The following KLHDC2 variants were observed in gnomAD, a reference collection of about 807,000 sequenced individuals.
KLHDC2 encodes the protein kelch domain-containing protein 2.
A neutral mutation model predicts 62.3 loss-of-function variants in KLHDC2; 38 were observed. The ratio of observed to expected loss-of-function variants is 0.61; its 90% CI spans 0.47 to 0.80. KLHDC2 has a LOEUF of 0.80. KLHDC2 is among the 30% of genes least tolerant of loss of function. The probability of loss-of-function intolerance (pLI) is 0.00; values close to 1 mark genes in which losing one functional copy is unlikely to be tolerated. For missense variants in KLHDC2, 430 were observed against 495.3 expected (o/e 0.87, Z 1.25); for synonymous variants, 159 against 161.0 (o/e 0.99, Z 0.09).
chr14:49,780,596 T>C, intron 9 of KLHDC2, 107 bp from the exon 10 acceptor site: 1 of 813,038 alleles, frequency 1.2e-6, no homozygotes, highest in Non-Finnish European at 2.1e-6. Flanking sequence ...GAAAATATAC[T>C]CTCTGTATCT....
intron 10 of KLHDC2, among the ~76,000 whole-genome samples, chr14:49,781,098 C>T (rs1167434029): frequency 2.6e-5 from 4 of 152,174 alleles, no homozygotes; most frequent in Non-Finnish European, 4.4e-5. Flanking sequence ...GTCGGCCAGG[C>T]GTGGTGGCTC....
chr14:49,784,414 A>ATTTAACTGTCCACAAATACTT lies in KLHDC2; in HGVS notation c.*1464_*1484dup. ...TAACTACAGATGTATATTAATTAGCATTTAACTGTCCACAAATACTTTTGG... is the reference window on the plus strand; with the variant it reads ...TAACTACAGATGTATATTAATTAGCATTTAACTGTCCACAAATACTTTTTAACTGTCCACAAATACTTTTGG... On this transcript the variant is annotated 3_prime_UTR_variant, in exon 13 of 13. Coordinates refer to ENST00000298307, the MANE Select transcript of KLHDC2 (RefSeq NM_014315.3). 1 of 448,774 alleles carries ATTTAACTGTCCACAAATACTT rather than the reference A, an allele frequency of 2.2e-6. No homozygotes were observed. The highest frequency in any genetic ancestry group is 3.5e-5 in the East Asian group (1 of 28,340). The allele number at this position is 448,774 out of a possible 1,614,324, so 27.8% of individuals were successfully genotyped here.
At chr14:49,778,726 CTT>C (rs1247617795) in intron 6 of KLHDC2, among the ~76,000 whole-genome samples, 14 of 143,888 alleles carry the variant, frequency 9.7e-5, no homozygotes, top group Admixed American at 1.4e-4. Context: ...TAATCTAATA[CTT>C]TTTTTTTTTT....
Position 49,778,974 on chromosome 14 carries a change from C to T in KLHDC2, c.633+480C>T, listed in dbSNP as rs35466302. ...TCCTGATCTTGTGATTTGCCCACCTCGGCCTCCCAAAGTGTTGGGATTACA... is the reference window on the plus strand; with the variant it reads ...TCCTGATCTTGTGATTTGCCCACCTTGGCCTCCCAAAGTGTTGGGATTACA... On this transcript the variant is annotated intron_variant, in intron 6 of 12. Coordinates refer to ENST00000298307, the MANE Select transcript of KLHDC2 (RefSeq NM_014315.3). 4.9e-3 allele frequency among the ~76,000 whole-genome samples: 742 copies of T among 152,292 alleles called. 2 individuals carry two copies. Among genetic ancestry groups the T allele is most frequent in the Non-Finnish European group, 8.4e-3 (571 of 68,030 alleles).
chr14:49,780,122 C>A, intron 8 of KLHDC2, 91 bp from the exon 9 acceptor site: 1 of 818,196 alleles, frequency 1.2e-6, no homozygotes, highest in Non-Finnish European at 2.0e-6. Flanking sequence ...TCTCTTTTTT[C>A]ATAACATGTA....
chr14:49,768,353 C>A lies in KLHDC2; in HGVS notation c.-116C>A. ...CGGCAGAGAGGCCTCAACGCCGTCCCTTTCGCCACCGCCTTTTCCTTGCCT... is the reference window on the plus strand; with the variant it reads ...CGGCAGAGAGGCCTCAACGCCGTCCATTTCGCCACCGCCTTTTCCTTGCCT... On this transcript the variant is annotated 5_prime_UTR_variant, in exon 1 of 13. Coordinates refer to ENST00000298307, the MANE Select transcript of KLHDC2 (RefSeq NM_014315.3). The A allele has an allele frequency of 8.1e-7, 1 of 1,234,188 alleles. No homozygotes were observed. Among genetic ancestry groups the A allele is most frequent in the Non-Finnish European group, 1.1e-6 (1 of 896,990 alleles). The allele number at this position is 1,234,188 out of a possible 1,614,324, so 76.5% of individuals were successfully genotyped here.
At chr14:49,779,039 C>T (rs542878701) in intron 6 of KLHDC2, among the ~76,000 whole-genome samples, 207 of 152,204 alleles carry the variant, frequency 1.4e-3, no homozygotes, top group African/African-American at 4.4e-3. Flanking sequence ...ATACACTTTA[C>T]GTGGTAGAAG....
chr14:49,779,851 T>C, intron 8 of KLHDC2, 45 bp downstream of exon 8: 1 of 1,338,370 alleles, frequency 7.5e-7, no homozygotes, highest in East Asian at 2.3e-5. Context: ...CAGATTGTTT[T>C]TACCCTATAT....
chr14:49,772,983 A>G (rs1889694477), intron 2 of KLHDC2, among the ~76,000 whole-genome samples: 1 of 152,170 alleles, frequency 6.6e-6, no homozygotes, highest in Non-Finnish European at 1.5e-5. Context: ...AACAGTTACA[A>G]ACTAAAAATA....
In KLHDC2 at chr14:49,778,043, C is replaced by T. The variant is rs901228523; in HGVS notation, c.467+89C>T. 6 of 940,134 alleles carry T rather than the reference C, an allele frequency of 6.4e-6. No homozygotes were observed. The African/African-American group carries it at 8.2e-5, about 13-fold the overall frequency. 58.2% of individuals were successfully genotyped at this position (940,134 alleles called of 1,614,324 possible). A position where few individuals can be genotyped will look rare whatever the true frequency, so the allele number is the denominator to read the frequency against. Reference sequence around the variant, plus strand: ...TTAGCCAGTAAACATTTGCACAGAACATACCTCATAGGGCCCATATGAAGA... The same window carrying T: ...TTAGCCAGTAAACATTTGCACAGAATATACCTCATAGGGCCCATATGAAGA... On this transcript the variant is annotated intron_variant, in intron 4 of 12. Transcript: ENST00000298307.
intron 2 of KLHDC2, among the ~76,000 whole-genome samples, chr14:49,773,177 G>A (rs1889698681): frequency 6.6e-6 from 1 of 152,036 alleles, no homozygotes; most frequent in Non-Finnish European, 1.5e-5. Context: ...ACTTTGGGAA[G>A]CCGAGGCAGG....
At chr14:49,769,477 T>C (rs2139787186) in intron 1 of KLHDC2, among the ~76,000 whole-genome samples, 1 of 152,302 alleles carries the variant, frequency 6.6e-6, no homozygotes, top group East Asian at 1.9e-4. Flanking sequence ...TTTGTGATTG[T>C]TTTTAGCTTA....
In KLHDC2 at chr14:49,783,271, G is replaced by T. The variant is rs1438029796; in HGVS notation, c.*318G>T. ...ATAGTCTTACCATCATCAAAATGCT[G>T]AAGTCATTTTTTGAAAACATTATAG... On this transcript the variant is annotated 3_prime_UTR_variant, in exon 13 of 13. Transcript: ENST00000298307. 2 of 175,068 alleles carry T rather than the reference G, an allele frequency of 1.1e-5. No homozygotes were observed. Among genetic ancestry groups the T allele is most frequent in the East Asian group, 1.4e-4 (1 of 7,070 alleles). The allele number at this position is 175,068 out of a possible 1,614,324, so 10.8% of individuals were successfully genotyped here. A position where few individuals can be genotyped will look rare whatever the true frequency, so the allele number is the denominator to read the frequency against.
chr14:49,777,385 C>CA (rs924019346), intron 3 of KLHDC2, among the ~76,000 whole-genome samples: 5 of 151,874 alleles, frequency 3.3e-5, no homozygotes, highest in African/African-American at 1.2e-4. Flanking sequence ...CCTGTTCCCC[C>CA]AAAACCTATT....
rs1218259223 is a variant in KLHDC2 at position 49,784,715 on chromosome 14, T to TA, written c.*1769dup. On this transcript the variant is annotated 3_prime_UTR_variant, in exon 13 of 13. Transcript: ENST00000298307. ...AATGTTTCTTGATAAATCTGTGTCC[T>TA]AAAAAAAGAAAATTGCTGAATATCT... 3 of 1,611,114 alleles carry TA rather than the reference T, an allele frequency of 1.9e-6. No homozygotes were observed. Among genetic ancestry groups the TA allele is most frequent in the African/African-American group, 1.3e-5 (1 of 74,828 alleles).
chr14:49,777,851 G>A lies in KLHDC2; in HGVS notation c.364G>A (p.Asp122Asn). ...RGNTNKFYMLDSRSTDRVLQW... is the reference protein window; with the variant it reads ...RGNTNKFYMLNSRSTDRVLQW... ...TTGCTTCTGACAGTTCTACATGCTG[G>A]ATTCAAGGTCTACAGACAGAGTGTT... is the stretch of plus-strand genomic sequence containing the variant. The change falls in exon 4 of 13, where the codon GAT becomes AAT. Residue 122 changes from aspartate to asparagine, a missense_variant. By Grantham distance (23) the Asp-to-Asn change is conservative (BLOSUM62 1). Coordinates refer to ENST00000298307, the MANE Select transcript of KLHDC2 (RefSeq NM_014315.3). The A allele has an allele frequency of 6.3e-7, 1 of 1,578,162 alleles. No individual in the cohort carries two copies. Among genetic ancestry groups the A allele is most frequent in the Non-Finnish European group, 8.6e-7 (1 of 1,159,724 alleles).
chr14:49,778,193 AG>A lies in KLHDC2; in HGVS notation c.486del (p.Tyr163MetfsTer36). ...VYKNKLIFFG[G>X]YGYLPEDKVL... ...CATCCAACAGGTTAATATTTTTTGG[AG>A]GGTATGGATATTTGCCTGAAGATAA... On this transcript the variant is annotated frameshift_variant, in exon 5 of 13. Coordinates refer to ENST00000298307, the MANE Select transcript of KLHDC2 (RefSeq NM_014315.3). LOFTEE classifies it high-confidence loss of function. 6.2e-7 allele frequency: 1 copy of A among 1,601,790 alleles called. No homozygotes were observed. The highest frequency in any genetic ancestry group is 8.5e-7 in the Non-Finnish European group (1 of 1,173,438).
intron 2 of KLHDC2, among the ~76,000 whole-genome samples, 195 bp from the exon 3 acceptor site, chr14:49,774,366 T>C (rs1889727342): frequency 6.6e-6 from 1 of 152,184 alleles, no homozygotes; most frequent in African/African-American, 2.4e-5. Context: ...GCTGGCACTG[T>C]TTGTGGAATG....
chr14:49,781,449 G>A (rs538219262), intron 10 of KLHDC2, among the ~76,000 whole-genome samples: 22 of 151,396 alleles, frequency 1.5e-4, no homozygotes, highest in African/African-American at 4.6e-4. Context: ...GCGAGGTACA[G>A]TGGGATTACA....
Sources: allele counts gnomAD v4.1 joint callset (sites outside exome capture counted in the v4.1 genomes callset), GRCh38; gene constraint gnomAD v4.1.1; transcripts MANE v1.5; gene names NCBI Gene and HGNC (gene_info 2026-07-23, HGNC 2026-07-21).